TMEFF2: variants seen among roughly 807,000 people sequenced by gnomAD.
TMEFF2 encodes tomoregulin-2.
TMEFF2 carries 28 observed loss-of-function variants against 53.8 expected under a neutral mutation model. That is an observed-to-expected ratio of 0.52 (90% confidence interval 0.39 to 0.71). The LOEUF is 0.71. Ranked by LOEUF, TMEFF2 falls within the 30% of genes least tolerant of loss-of-function variation. The probability of loss-of-function intolerance (pLI) is 0.00; values close to 1 mark genes in which losing one functional copy is unlikely to be tolerated. For synonymous variants in TMEFF2, 162 were observed against 166.3 expected (o/e 0.97, Z 0.20); for missense variants, 353 against 455.2 (o/e 0.78, Z 2.04).
intron 4 of TMEFF2, among the ~76,000 whole-genome samples, chr2:192,146,184 T>A (rs139718213): frequency 0.015 from 2,336 of 152,042 alleles, 60 homozygotes; most frequent in African/African-American, 0.053. Context: ...CTGCAAAAAA[T>A]TTTTTAAAAG....
At chr2:192,179,931 G>A (rs1036645093) in intron 3 of TMEFF2, among the ~76,000 whole-genome samples, 12 of 151,360 alleles carry the variant, frequency 7.9e-5, no homozygotes, top group South Asian at 2.1e-4. Flanking sequence ...TTATTGCCCC[G>A]TTTGGAAAAT....
At chr2:191,978,570 A>G (rs1387947183) in intron 7 of TMEFF2, among the ~76,000 whole-genome samples, 2 of 152,102 alleles carry the variant, frequency 1.3e-5, no homozygotes, top group Non-Finnish European at 2.9e-5. Context: ...TAAGCTTACT[A>G]AAATGTCTTT....
At chr2:192,010,126 T>G (rs181360459) in intron 5 of TMEFF2, among the ~76,000 whole-genome samples, 60 of 152,328 alleles carry the variant, frequency 3.9e-4, no homozygotes, top group African/African-American at 1.4e-3. Context: ...GCAGAGTTTA[T>G]CATATGAAGG....
At chr2:192,088,755 T>C (rs1480627795) in intron 4 of TMEFF2, among the ~76,000 whole-genome samples, 2 of 152,142 alleles carry the variant, frequency 1.3e-5, no homozygotes, top group African/African-American at 4.8e-5. Context: ...TCTTTTCTTC[T>C]GCCATCCCTA....
rs567587791 is a variant in TMEFF2 at position 192,018,888 on chromosome 2, T to C, written c.537-19680A>G. Among the ~76,000 whole-genome samples, 340 of 120,004 alleles carry C rather than the reference T, an allele frequency of 2.8e-3. 1 individual carries two copies. The highest frequency in any genetic ancestry group is 9.4e-3 in the African/African-American group (319 of 33,796). The allele number at this position is 120,004 out of a possible 152,430, so 78.7% of individuals were successfully genotyped here. A position where few individuals can be genotyped will look rare whatever the true frequency, so the allele number is the denominator to read the frequency against. On this transcript the variant is annotated intron_variant, in intron 5 of 9. Coordinates refer to ENST00000272771, the MANE Select transcript of TMEFF2 (RefSeq NM_016192.4). ...GTAGTAGCCAGGATATGCTGAGATC[T>C]TATTCTTAATTTGCTGTACTTATGT... is the stretch of plus-strand genomic sequence containing the variant.
intron 8 of TMEFF2, among the ~76,000 whole-genome samples, chr2:191,955,767 A>C (rs1327262018): frequency 6.6e-6 from 1 of 151,996 alleles, no homozygotes; most frequent in East Asian, 1.9e-4. Context: ...GGGAGAGCAG[A>C]TCTATAGAAA....
chr2:192,022,221 C>T (rs559350492), intron 5 of TMEFF2, among the ~76,000 whole-genome samples: 2 of 152,286 alleles, frequency 1.3e-5, no homozygotes, highest in East Asian at 1.9e-4. Flanking sequence ...CCTCCATAAG[C>T]CTCTCTGAGT....
intron 8 of TMEFF2, among the ~76,000 whole-genome samples, 186 bp from the exon 9 acceptor site, chr2:191,954,023 G>C (rs1303574096): frequency 6.6e-6 from 1 of 151,394 alleles, no homozygotes; most frequent in Non-Finnish European, 1.5e-5. Flanking sequence ...GAGTAGCTGG[G>C]ACTACAGGCG....
intron 4 of TMEFF2, among the ~76,000 whole-genome samples, chr2:192,138,270 A>G (rs1690058154): frequency 6.6e-6 from 1 of 152,262 alleles, no homozygotes; most frequent in African/African-American, 2.4e-5. Context: ...TACTGCATGT[A>G]TGGTATATGT....
chr2:192,110,984 G>A (rs1364401800), intron 4 of TMEFF2, among the ~76,000 whole-genome samples: 1 of 152,106 alleles, frequency 6.6e-6, no homozygotes, highest in African/African-American at 2.4e-5. Flanking sequence ...TGTAAGACAT[G>A]CCTTTTGCCA....
intron 4 of TMEFF2, among the ~76,000 whole-genome samples, chr2:192,099,080 G>C (rs1007322800): frequency 1.2e-4 from 18 of 152,002 alleles, no homozygotes; most frequent in Non-Finnish European, 2.5e-4. Flanking sequence ...CATACTGAGG[G>C]AACCAGCACA....
intron 7 of TMEFF2, among the ~76,000 whole-genome samples, chr2:191,984,237 G>C (rs1205609366): frequency 1.3e-5 from 2 of 152,026 alleles, no homozygotes; most frequent in Admixed American, 1.3e-4. Context: ...TATTGGATTA[G>C]GTGATCAAGA....
chr2:192,049,141 T>C (rs1208773071), intron 5 of TMEFF2, among the ~76,000 whole-genome samples: 2 of 119,616 alleles, frequency 1.7e-5, no homozygotes, highest in African/African-American at 6.0e-5. Flanking sequence ...ATAAGATAGA[T>C]ACATTTGGTC....
chr2:192,081,519 T>TA (rs1352540592), intron 4 of TMEFF2, among the ~76,000 whole-genome samples: 1 of 152,226 alleles, frequency 6.6e-6, no homozygotes, highest in Non-Finnish European at 1.5e-5. Flanking sequence ...TCAACTGTGC[T>TA]AAAATATGCT....
At chr2:191,961,663 T>C (rs370342981) in intron 7 of TMEFF2, among the ~76,000 whole-genome samples, 6 of 152,158 alleles carry the variant, frequency 3.9e-5, no homozygotes, top group African/African-American at 1.2e-4. Flanking sequence ...ATTGTTCCCA[T>C]TGTTGGTTAG....
chr2:192,140,925 T>C (rs1288318716), intron 4 of TMEFF2, among the ~76,000 whole-genome samples: 3 of 152,168 alleles, frequency 2.0e-5, no homozygotes, highest in Non-Finnish European at 4.4e-5. Flanking sequence ...TCTGCCAAGT[T>C]AATTCAATAA....
At chr2:192,057,586 G>A (rs1687942435) in intron 5 of TMEFF2, 93 bp downstream of exon 5, 1 of 1,103,326 alleles carries the variant, frequency 9.1e-7, no homozygotes, top group Non-Finnish European at 1.4e-6. Context: ...TAAAAATGCA[G>A]ACAATGTCTT....
intron 7 of TMEFF2, among the ~76,000 whole-genome samples, chr2:191,982,733 CATTTT>C (rs1440932935): frequency 6.6e-6 from 1 of 152,060 alleles, no homozygotes; most frequent in African/African-American, 2.4e-5. Context: ...ATTTCCATTT[CATTTT>C]AAATTTTGAA....
chr2:191,957,092 A>C (rs1045258419), intron 7 of TMEFF2, among the ~76,000 whole-genome samples: 1 of 152,226 alleles, frequency 6.6e-6, no homozygotes, highest in Non-Finnish European at 1.5e-5. Context: ...ATAACGAATA[A>C]ACGTGGATTC....
Sources: gnomAD v4.1 joint callset for allele counts (sites outside exome capture counted in the v4.1 genomes callset) on GRCh38, gnomAD v4.1.1 for gene constraint, MANE v1.5 for transcripts, NCBI Gene and HGNC (gene_info 2026-07-23, HGNC 2026-07-21) for gene names.